The following OCRL variants were observed in gnomAD, a reference collection of about 807,000 sequenced individuals.
The protein encoded by OCRL is OCRL inositol polyphosphate-5-phosphatase.
OCRL carries 8 observed loss-of-function variants against 78.9 expected under a neutral mutation model. The ratio of observed to expected loss-of-function variants is 0.10; its 90% CI spans 0.06 to 0.18. The LOEUF is 0.18. OCRL is among the 10% of genes least tolerant of loss of function. The probability of loss-of-function intolerance (pLI) is 1.00; values close to 1 mark genes in which losing one functional copy is unlikely to be tolerated. For synonymous variants in OCRL, 240 were observed against 235.4 expected (o/e 1.02, Z -0.18); for missense variants, 454 against 696.7 (o/e 0.65, Z 3.92).
At position 129,540,488 on chromosome X, in the gene OCRL, G is replaced by A. The variant is rs765141317; in HGVS notation, c.39+10G>A. 2.0e-4 allele frequency: 233 copies of A among 1,147,905 alleles called. No individual in the cohort carries two copies. In the African/African-American group the frequency reaches 3.9e-3, roughly 19 times the overall value. 94.6% of individuals were successfully genotyped at this position (1,147,905 alleles called of 1,213,427 possible). ...AGCCCAGCCGCTTGCCGTATCCGCC[G>A]GAGAGAAGGGAGAGGGGAGGCCGCG... On this transcript the variant is annotated intron_variant, in intron 1 of 23. Coordinates refer to ENST00000371113, the MANE Select transcript of OCRL (RefSeq NM_000276.4).
chrX:129,551,824 A>T (rs1935963994), intron 4 of OCRL, among the ~76,000 whole-genome samples: 1 of 112,086 alleles, frequency 8.9e-6, no homozygotes, highest in Non-Finnish European at 1.9e-5. Context: ...GTCAGGGAAG[A>T]CCTCTTTGAA....
chrX:129,587,881 T>A (rs963014452), intron 20 of OCRL, among the ~76,000 whole-genome samples: 2 of 109,891 alleles, frequency 1.8e-5, no homozygotes, highest in Admixed American at 2.0e-4. Flanking sequence ...TAAAAAAAAA[T>A]TTTAAAGGAG....
chrX:129,580,642 A>G lies in OCRL; in HGVS notation c.2116-3702A>G, dbSNP rs190510817. 5.4e-3 allele frequency among the ~76,000 whole-genome samples: 600 copies of G among 112,063 alleles called. 2 individuals are homozygous for G. Among genetic ancestry groups the G allele is most frequent in the Non-Finnish European group, 8.0e-3 (424 of 53,143 alleles). The stretch of plus-strand genomic sequence containing the variant: ...AAGTTGAGGGATGGGTAGAGAAACT[A>G]TATTTGCTTGGGGACATATCTGTTG... On this transcript the variant is annotated intron_variant, in intron 18 of 23. Coordinates refer to ENST00000371113, the MANE Select transcript of OCRL (RefSeq NM_000276.4).
At chrX:129,547,524 C>CA (rs1177506776) in intron 3 of OCRL, among the ~76,000 whole-genome samples, 3,478 of 34,440 alleles carry the variant, frequency 0.1, 270 homozygotes, top group African/African-American at 0.24. Flanking sequence ...GACTCCGTCT[C>CA]AAAAAAAAAA....
At chrX:129,565,952 A>G (rs1484968581) in intron 13 of OCRL, 69 bp downstream of exon 13, 1 of 742,153 alleles carries the variant, frequency 1.3e-6, no homozygotes, top group African/African-American at 2.1e-5. Context: ...TATGGGAGGT[A>G]TATCTTACTC....
At chrX:129,582,946 A>G (rs1283022347) in intron 18 of OCRL, among the ~76,000 whole-genome samples, 1 of 111,551 alleles carries the variant, frequency 9.0e-6, no homozygotes, top group Non-Finnish European at 1.9e-5. Context: ...TAGCAGAACT[A>G]AGACATGTAA....
chrX:129,543,578 GTACAAACCCC>G (rs1332420627), intron 2 of OCRL, among the ~76,000 whole-genome samples: 4 of 113,200 alleles, frequency 3.5e-5, no homozygotes, highest in African/African-American at 1.3e-4. Flanking sequence ...TCACCTTAGA[GTACAAACCCC>G]TGCAAATTAG....
intron 18 of OCRL, among the ~76,000 whole-genome samples, 191 bp downstream of exon 18, chrX:129,576,743 G>A (rs920739647): frequency 2.7e-5 from 3 of 111,917 alleles, no homozygotes; most frequent in African/African-American, 9.7e-5. Flanking sequence ...CTAATCTGCA[G>A]TTGGCTCTTG....
intron 18 of OCRL, among the ~76,000 whole-genome samples, chrX:129,578,447 GTT>G (rs3216400): frequency 1.1e-5 from 1 of 92,914 alleles, no homozygotes; most frequent in Admixed American, 1.2e-4. Flanking sequence ...TTTCCTTCTT[GTT>G]TTTTTTTTTT....
intron 3 of OCRL, among the ~76,000 whole-genome samples, chrX:129,547,310 G>A (rs760911567): frequency 1.5e-4 from 16 of 110,147 alleles, no homozygotes; most frequent in African/African-American, 4.6e-4. Flanking sequence ...CAGATCACAA[G>A]GTCAGGAGAT....
chrX:129,585,907 G>A (rs984129956), intron 19 of OCRL, among the ~76,000 whole-genome samples: 9 of 110,203 alleles, frequency 8.2e-5, no homozygotes, highest in Non-Finnish European at 1.5e-4. Context: ...TTAAAGCTAC[G>A]TGACTGGGGG....
rs762009796 is a variant in OCRL at position 129,569,381 on chromosome X, C to T, written c.1584C>T (p.Ser528=). The T allele has an allele frequency of 4.8e-5, 58 of 1,209,081 alleles. No individual in the cohort carries two copies. Among genetic ancestry groups the T allele is most frequent in the Admixed American group, 2.2e-4 (10 of 45,794 alleles). The change falls in exon 15 of 24, where the codon AGC becomes AGT. Residue 528 remains serine (S), a synonymous_variant. Transcript: ENST00000371113. ...AAACCAGCGACCACAAGCCTGTTAGCGCCCTCTTCCATATTGGGGTAAACA... is the reference window on the plus strand; with the variant it reads ...AAACCAGCGACCACAAGCCTGTTAGTGCCCTCTTCCATATTGGGGTAAACA... The part of the protein sequence containing the change: ...ELKTSDHKPV[S]ALFHIGVKVV...
At chrX:129,554,245 AGTG>A (rs954850327) in intron 4 of OCRL, 1 of 110,768 alleles carries the variant, frequency 9.0e-6, no homozygotes, top group Admixed American at 9.6e-5. Flanking sequence ...AGGTTTATGA[AGTG>A]GTGGTGTTTC....
chrX:129,550,298 T>C (rs1935941636), intron 4 of OCRL, among the ~76,000 whole-genome samples: 1 of 112,468 alleles, frequency 8.9e-6, no homozygotes, highest in Non-Finnish European at 1.9e-5. Flanking sequence ...TTTACATAAT[T>C]GGAATCCTCA....
intron 4 of OCRL, 58 bp downstream of exon 4, chrX:129,548,659 C>A: frequency 1.0e-6 from 1 of 1,000,469 alleles, no homozygotes; most frequent in Non-Finnish European, 1.4e-6. Context: ...CTTGAACACT[C>A]ACTACATTTA....
At chrX:129,589,096 C>A in intron 22 of OCRL, 83 bp downstream of exon 22, 2 of 1,075,706 alleles carry the variant, frequency 1.9e-6, no homozygotes, top group Non-Finnish European at 2.6e-6. Flanking sequence ...AGATAGGCAG[C>A]CAGCTGTCTG....
intron 18 of OCRL, among the ~76,000 whole-genome samples, chrX:129,577,247 ATACT>A (rs201128709): frequency 0.013 from 1,413 of 111,329 alleles, 22 homozygotes; most frequent in African/African-American, 0.043. Context: ...TTGAAATTTG[ATACT>A]TACTTAATGT....
Position 129,569,491 on chromosome X carries a change from A to G in OCRL, c.1602+92A>G. 5 of 985,278 alleles carry G rather than the reference A, an allele frequency of 5.1e-6. No homozygotes were observed. The South Asian group carries it at 9.7e-5, about 19-fold the overall frequency. The allele number at this position is 985,278 out of a possible 1,213,427, so 81.2% of individuals were successfully genotyped here. On this transcript the variant is annotated intron_variant, in intron 15 of 23. Transcript: ENST00000371113. ...CTCAGAACAGATCAGTAATTCAGCAAGCCATAAATGTTCCATAACCAAATA... is the reference window on the plus strand; with the variant it reads ...CTCAGAACAGATCAGTAATTCAGCAGGCCATAAATGTTCCATAACCAAATA...
At chrX:129,573,760 G>A (rs910972137) in intron 15 of OCRL, among the ~76,000 whole-genome samples, 36 of 110,709 alleles carry the variant, frequency 3.3e-4, no homozygotes, top group African/African-American at 9.5e-4. Context: ...GAGTTTCACC[G>A]TGTTGGCTGG....
Sources: allele counts gnomAD v4.1 joint callset (sites outside exome capture counted in the v4.1 genomes callset), GRCh38; gene constraint gnomAD v4.1.1; transcripts MANE v1.5; gene names NCBI Gene and HGNC (gene_info 2026-07-23, HGNC 2026-07-21).